The following CACNA1C variants were observed in gnomAD, a reference collection of about 807,000 sequenced individuals.
CACNA1C encodes calcium voltage-gated channel subunit alpha1 C.
In CACNA1C, 30 loss-of-function variants were observed where a neutral mutation model predicts 229.0. The ratio of observed to expected loss-of-function variants is 0.13; its 90% CI spans 0.10 to 0.18. The LOEUF is 0.18. Ranked by LOEUF, CACNA1C falls within the 10% of genes least tolerant of loss-of-function variation. The pLI is 1.00. For missense variants in CACNA1C, 1,658 were observed against 2,845.0 expected (o/e 0.58, Z 9.49); for synonymous variants, 1,114 against 1,132.5 (o/e 0.98, Z 0.33).
intron 3 of CACNA1C, among the ~76,000 whole-genome samples, chr12:2,446,205 GGA>G (rs2099276938): frequency 3.4e-5 from 5 of 149,192 alleles, no homozygotes; most frequent in Non-Finnish European, 5.9e-5. Context: ...GTGGGTGGAT[GGA>G]TGGATGGATG....
Position 2,651,627 on chromosome 12 carries a change from C to G in CACNA1C, c.3946-13C>G, listed in dbSNP as rs757785634. The stretch of plus-strand genomic sequence containing the variant: ...CTGTGCTAACTGCACCTCCTGTTGC[C>G]GACGGGTTCCAGAACGCAGAGGAAA... On this transcript the variant is annotated splice_polypyrimidine_tract_variant and intron_variant, in intron 31 of 46. Coordinates refer to ENST00000399655, the MANE Select transcript of CACNA1C (RefSeq NM_000719.7). The surrounding 1 kb of genome is among the most constrained non-coding windows in gnomAD (Gnocchi z 5.4). 8 of 1,613,748 alleles carry G rather than the reference C, an allele frequency of 5.0e-6. No homozygotes were observed. The South Asian group carries it at 7.7e-5, about 16-fold the overall frequency.
chr12:2,129,794 C>T (rs2091654057), intron 3 of CACNA1C, among the ~76,000 whole-genome samples: 2 of 152,202 alleles, frequency 1.3e-5, no homozygotes, highest in Non-Finnish European at 2.9e-5. Context: ...GCCTTTCATG[C>T]ACCACCCTGT....
chr12:2,691,051 C>G lies in CACNA1C; in HGVS notation c.6269C>G (p.Pro2090Arg). ...CTCAGCGGGGGCGCCCCACAGAGCCCCAATGGCGCCCTCTTACCCTTTGTG... is the reference window on the plus strand; with the variant it reads ...CTCAGCGGGGGCGCCCCACAGAGCCGCAATGGCGCCCTCTTACCCTTTGTG... ...NILSGGAPQS[P>R]NGALLPFVNC... is the part of the protein sequence containing the mutation. The change falls in exon 47 of 47, where the codon CCC becomes CGC. Residue 2090 changes from proline (P) to arginine (R), a missense_variant. Coordinates refer to ENST00000399655, the MANE Select transcript of CACNA1C (RefSeq NM_000719.7). The G allele has an allele frequency of 2.5e-6, 4 of 1,606,344 alleles. No individual in the cohort carries two copies. The highest frequency in any genetic ancestry group is 3.4e-6 in the Non-Finnish European group (4 of 1,176,686).
At chr12:2,628,159 A>G (rs1177336894) in intron 29 of CACNA1C, among the ~76,000 whole-genome samples, 1 of 152,206 alleles carries the variant, frequency 6.6e-6, no homozygotes, top group Non-Finnish European at 1.5e-5. Flanking sequence ...TGCTCTGGGC[A>G]GAGAAGGAGC....
chr12:1,991,462 T>A (rs1593214259), intron 1 of CACNA1C: 1 of 236,350 alleles, frequency 4.2e-6, no homozygotes, highest in Non-Finnish European at 8.6e-6. Context: ...CAAGTGAAAT[T>A]AATAATATAT....
chr12:2,648,991 T>C (rs904879871), intron 31 of CACNA1C, among the ~76,000 whole-genome samples: 2 of 152,186 alleles, frequency 1.3e-5, no homozygotes, highest in East Asian at 3.8e-4. Flanking sequence ...AGCTTCCCTG[T>C]GCTTCAAGTG....
intron 3 of CACNA1C, among the ~76,000 whole-genome samples, chr12:2,416,239 T>C (rs1477250218): frequency 6.6e-6 from 1 of 152,174 alleles, no homozygotes; most frequent in Non-Finnish European, 1.5e-5. Flanking sequence ...ACCCTTCCTT[T>C]ATGGCTCGCT....
At chr12:2,474,456 A>G (rs1340734295) in intron 5 of CACNA1C, among the ~76,000 whole-genome samples, 2 of 152,190 alleles carry the variant, frequency 1.3e-5, no homozygotes, top group Admixed American at 6.5e-5. Flanking sequence ...AGTTTCTCCC[A>G]TAAGAAGTAC....
At chr12:2,211,405 G>C (rs2097913066) in intron 3 of CACNA1C, among the ~76,000 whole-genome samples, 1 of 152,230 alleles carries the variant, frequency 6.6e-6, no homozygotes, top group Admixed American at 6.5e-5. Context: ...GGTAGAGAAG[G>C]AGTATGTCCG....
chr12:2,250,600 C>T (rs924553871), intron 3 of CACNA1C, among the ~76,000 whole-genome samples: 7 of 152,276 alleles, frequency 4.6e-5, no homozygotes, highest in East Asian at 1.9e-4. Flanking sequence ...CAAGGCCATG[C>T]GTTAAATACC....
chr12:2,228,209 C>T (rs2063600130), intron 3 of CACNA1C, among the ~76,000 whole-genome samples: 2 of 152,178 alleles, frequency 1.3e-5, no homozygotes, highest in Non-Finnish European at 2.9e-5. Flanking sequence ...AGGGAACTCC[C>T]TATCATGTAA....
At chr12:2,089,132 C>A (rs572254624) in intron 1 of CACNA1C, among the ~76,000 whole-genome samples, 4 of 152,016 alleles carry the variant, frequency 2.6e-5, no homozygotes, top group African/African-American at 9.7e-5. Context: ...TTCGTGCACA[C>A]GTGGAAGGGT....
chr12:2,047,672 C>T (rs1320511135), intron 1 of CACNA1C, among the ~76,000 whole-genome samples: 1 of 152,238 alleles, frequency 6.6e-6, no homozygotes, highest in Non-Finnish European at 1.5e-5. Context: ...AACCTGGTCA[C>T]AGGTGGGAGC....
chr12:2,581,402 A>C (rs1445598888), intron 13 of CACNA1C, among the ~76,000 whole-genome samples, 188 bp from the exon 14 acceptor site: 3 of 152,130 alleles, frequency 2.0e-5, no homozygotes, highest in Non-Finnish European at 4.4e-5. Flanking sequence ...AATCATCTTG[A>C]GACCTTGAAT....
chr12:2,205,471 A>T (rs187149852), intron 3 of CACNA1C, among the ~76,000 whole-genome samples: 1 of 152,200 alleles, frequency 6.6e-6, no homozygotes, highest in Non-Finnish European at 1.5e-5. Context: ...TTAACCTTTC[A>T]TCTTGCCCTG....
chr12:2,573,358 A>G (rs1489132514), intron 13 of CACNA1C, among the ~76,000 whole-genome samples: 1 of 152,192 alleles, frequency 6.6e-6, no homozygotes, highest in Non-Finnish European at 1.5e-5. Flanking sequence ...TCTTCTCCAT[A>G]CTGTAGTCTC....
chr12:2,092,000 G>A (rs1398675578), intron 1 of CACNA1C, among the ~76,000 whole-genome samples: 1 of 152,100 alleles, frequency 6.6e-6, no homozygotes, highest in Non-Finnish European at 1.5e-5. Context: ...GGTCCCTCTC[G>A]CTCTGCCATA....
intron 22 of CACNA1C, chr12:2,603,896 A>G (rs1419518603): frequency 6.6e-6 from 1 of 152,270 alleles, no homozygotes. Context: ...CTTAGGTTCA[A>G]AAAAGTATGG....
At position 2,651,630 on chromosome 12, in the gene CACNA1C, C is replaced by T. The variant is rs370630496; in HGVS notation, c.3946-10C>T. The T allele has an allele frequency of 4.6e-5, 74 of 1,613,816 alleles. No homozygotes were observed. The highest frequency in any genetic ancestry group is 2.9e-4 in the African/African-American group (22 of 74,908). On this transcript the variant is annotated splice_polypyrimidine_tract_variant and intron_variant, in intron 31 of 46. Coordinates refer to ENST00000399655, the MANE Select transcript of CACNA1C (RefSeq NM_000719.7). The surrounding 1 kb of genome is among the most constrained non-coding windows in gnomAD (Gnocchi z 5.4). ...TGCTAACTGCACCTCCTGTTGCCGA[C>T]GGGTTCCAGAACGCAGAGGAAAACT...
Sources: allele counts gnomAD v4.1 joint callset (sites outside exome capture counted in the v4.1 genomes callset), GRCh38; gene constraint gnomAD v4.1.1; non-coding constraint Gnocchi (gnomAD v3.1); transcripts MANE v1.5; gene names NCBI Gene and HGNC (gene_info 2026-07-23, HGNC 2026-07-21).